Variants in EFHD2 observed in about 807,000 individuals in gnomAD.
The protein encoded by EFHD2 is EF-hand domain-containing protein D2.
EFHD2 carries 12 observed loss-of-function variants against 20.3 expected under a neutral mutation model. That is an observed-to-expected ratio of 0.59 (90% CI 0.38 to 0.96). The LOEUF is 0.96. Ranked by LOEUF, EFHD2 falls within the 40% of genes least tolerant of loss-of-function variation. The pLI is 0.00. For missense variants in EFHD2, 250 were observed against 334.3 expected (o/e 0.75, Z 1.97); for synonymous variants, 131 against 143.9 (o/e 0.91, Z 0.64).
intron 1 of EFHD2, among the ~76,000 whole-genome samples, chr1:15,417,831 C>A (rs1312886330): frequency 6.6e-6 from 1 of 152,148 alleles, no homozygotes; most frequent in East Asian, 1.9e-4. Flanking sequence ...TCAGTAAAGC[C>A]TGGGATGGGA....
rs1707918290 is a variant in EFHD2 at position 15,428,859 on chromosome 1, C to T, written c.*135C>T. On this transcript the variant is annotated 3_prime_UTR_variant, in exon 4 of 4. Coordinates refer to ENST00000375980, the MANE Select transcript of EFHD2 (RefSeq NM_024329.6). Reference sequence around the variant, plus strand: ...AACCTAAAAATATCTGTGAATGGAGCAAGTTCAGGGGTCTTATGGAGGTGG... The same window carrying T: ...AACCTAAAAATATCTGTGAATGGAGTAAGTTCAGGGGTCTTATGGAGGTGG... 2.2e-6 allele frequency: 3 copies of T among 1,353,940 alleles called. No individual in the cohort carries two copies. The highest frequency in any genetic ancestry group is 2.9e-5 in the African/African-American group (2 of 68,932). The allele number at this position is 1,353,940 out of a possible 1,614,324, so 83.9% of individuals were successfully genotyped here.
At chr1:15,418,517 G>A (rs376789117) in intron 1 of EFHD2, among the ~76,000 whole-genome samples, 4,554 of 147,048 alleles carry the variant, frequency 0.031, 163 homozygotes, top group African/African-American at 0.093. Flanking sequence ...GTGTTAGCCA[G>A]GATGGTCTCA....
At position 15,426,651 on chromosome 1, in the gene EFHD2, G is replaced by A. The variant is rs1016782395; in HGVS notation, c.457-499G>A. ...AAGGAGAGAGGTGGCAGGGGCAGGT[G>A]GGGGAGTGCGAGTGGCTGGGCGGGA... On this transcript the variant is annotated intron_variant, in intron 2 of 3. Coordinates refer to ENST00000375980, the MANE Select transcript of EFHD2 (RefSeq NM_024329.6). The surrounding 1 kb of genome is among the most constrained non-coding windows in gnomAD (Gnocchi z 4.6). 6.6e-6 allele frequency among the ~76,000 whole-genome samples: 1 copy of A among 152,150 alleles called. No individual in the cohort carries two copies. Among genetic ancestry groups the A allele is most frequent in the Admixed American group, 6.5e-5 (1 of 15,272 alleles).
At chr1:15,417,784 G>T (rs978247698) in intron 1 of EFHD2, among the ~76,000 whole-genome samples, 3 of 152,120 alleles carry the variant, frequency 2.0e-5, no homozygotes, top group South Asian at 4.1e-4. Flanking sequence ...CTGTCCAATT[G>T]TCTGTTCTCC....
intron 1 of EFHD2, among the ~76,000 whole-genome samples, chr1:15,422,589 C>T (rs1217974363): frequency 3.3e-5 from 5 of 151,258 alleles, no homozygotes; most frequent in Admixed American, 2.6e-4. Context: ...TGGCCAGGTG[C>T]GGTGGCTCAC....
intron 1 of EFHD2, among the ~76,000 whole-genome samples, chr1:15,415,795 C>T (rs113086168): frequency 0.01 from 1,526 of 152,180 alleles, 26 homozygotes; most frequent in African/African-American, 0.034. Flanking sequence ...CAGCCTGATA[C>T]TATCATTTTT....
intron 3 of EFHD2, among the ~76,000 whole-genome samples, chr1:15,428,248 T>C (rs558877741): frequency 1.3e-5 from 2 of 152,162 alleles, no homozygotes; most frequent in South Asian, 4.2e-4. Flanking sequence ...ATCCCAGCAC[T>C]TTGGGAGGCT....
intron 1 of EFHD2, among the ~76,000 whole-genome samples, chr1:15,424,324 C>T (rs554771374): frequency 1.3e-5 from 2 of 152,262 alleles, no homozygotes; most frequent in East Asian, 1.9e-4. Context: ...GGGCAAACAG[C>T]GCCTCGCCCT....
At position 15,427,237 on chromosome 1, in the gene EFHD2, G is replaced by A. The variant is rs747762750; in HGVS notation, c.544G>A (p.Val182Ile). 6.8e-6 allele frequency: 11 copies of A among 1,608,948 alleles called. No individual in the cohort carries two copies. The highest frequency in any genetic ancestry group is 5.1e-6 in the Non-Finnish European group (6 of 1,178,198). Residue 182 changes from valine to isoleucine, a missense_variant, in exon 3 of 4, where the codon GTC becomes ATC. This residue lies in a region of EFHD2 where 100 missense variants were observed against 116.2 expected (regional missense o/e 0.86). Coordinates refer to ENST00000375980, the MANE Select transcript of EFHD2 (RefSeq NM_024329.6). ...GCTGGCCCGCCTCTCTGAGATCGACGTCTCCAGTGAGGGTGTCAAGGGGGC... is the reference window on the plus strand; with the variant it reads ...GCTGGCCCGCCTCTCTGAGATCGACATCTCCAGTGAGGGTGTCAAGGGGGC... ...CVLARLSEIDVSSEGVKGAKS... is the reference protein window; with the variant it reads ...CVLARLSEIDISSEGVKGAKS...
intron 1 of EFHD2, among the ~76,000 whole-genome samples, chr1:15,412,272 C>T (rs1046911102): frequency 6.6e-6 from 1 of 151,972 alleles, no homozygotes; most frequent in Non-Finnish European, 1.5e-5. Flanking sequence ...TGTCACTGCC[C>T]CCATCGGGCA....
At chr1:15,427,323 A>C in intron 3 of EFHD2, 39 bp downstream of exon 3, 1 of 1,583,294 alleles carries the variant, frequency 6.3e-7, no homozygotes, top group Non-Finnish European at 8.6e-7. Flanking sequence ...ACGCTCCAGG[A>C]CAAGGGGACC....
chr1:15,420,933 C>G (rs577503051), intron 1 of EFHD2, among the ~76,000 whole-genome samples: 2 of 152,150 alleles, frequency 1.3e-5, no homozygotes, highest in Non-Finnish European at 2.9e-5. Flanking sequence ...TGAGCCACCA[C>G]GTCCAGCCTC....
chr1:15,415,490 CTT>C (rs775986699), intron 1 of EFHD2, among the ~76,000 whole-genome samples: 30 of 138,202 alleles, frequency 2.2e-4, no homozygotes, highest in East Asian at 4.2e-4. Flanking sequence ...CTTTGTTTTC[CTT>C]TTTTTTTTTT....
Position 15,413,715 on chromosome 1 carries a change from C to T in EFHD2, c.308+3436C>T, listed in dbSNP as rs544719289. ...CAGAAAGATGTGGCGGTGACTTGCTCGGGGTTACGGAGAGGTTCTCAGTGA... is the reference window on the plus strand; with the variant it reads ...CAGAAAGATGTGGCGGTGACTTGCTTGGGGTTACGGAGAGGTTCTCAGTGA... On this transcript the variant is annotated intron_variant, in intron 1 of 3. Transcript: ENST00000375980. The surrounding 1 kb of genome is among the most constrained non-coding windows in gnomAD (Gnocchi z 4.4). Among the ~76,000 whole-genome samples, 19 of 152,256 alleles carry T rather than the reference C, an allele frequency of 1.2e-4. No individual in the cohort carries two copies. The South Asian group carries it at 2.3e-3, about 18-fold the overall frequency.
rs1707587270 is a variant in EFHD2, at chr1:15,413,610, C to A, written c.308+3331C>A. The stretch of plus-strand genomic sequence containing the variant: ...CCATCACTGGTCTCACACCTAGAGT[C>A]ATTCAGGTTCCTCCTGAGAGAGACC... On this transcript the variant is annotated intron_variant, in intron 1 of 3. Coordinates refer to ENST00000375980, the MANE Select transcript of EFHD2 (RefSeq NM_024329.6). This position sits in a 1 kb window ranked among gnomAD's most constrained non-coding sequence, Gnocchi z 4.4. 6.6e-6 allele frequency among the ~76,000 whole-genome samples: 1 copy of A among 152,184 alleles called. No individual in the cohort carries two copies. The highest frequency in any genetic ancestry group is 2.1e-4 in the South Asian group (1 of 4,828).
At position 15,425,961 on chromosome 1, in the gene EFHD2, GA is replaced by G; in HGVS notation, c.404del (p.Asn135ThrfsTer2). The stretch of plus-strand genomic sequence containing the variant: ...GGGCCCCTCAGACCCACCTGGGCCT[GA>G]AAAACATGATCAAGGAGGTGGATGA... ...LGAPQTHLGL[K>X]NMIKEVDEDF... On this transcript the variant is annotated frameshift_variant, in exon 2 of 4. Transcript: ENST00000375980. LOFTEE classifies it high-confidence loss of function. The G allele has an allele frequency of 6.3e-7, 1 of 1,599,894 alleles. No homozygotes were observed. Among genetic ancestry groups the G allele is most frequent in the Non-Finnish European group, 8.5e-7 (1 of 1,174,816 alleles).
At chr1:15,421,473 T>C (rs890258138) in intron 1 of EFHD2, among the ~76,000 whole-genome samples, 8 of 152,218 alleles carry the variant, frequency 5.3e-5, no homozygotes, top group Non-Finnish European at 1.0e-4. Flanking sequence ...CCAGCCCCTG[T>C]ATTGTCCCCC....
At chr1:15,417,479 C>T (rs1197320765) in intron 1 of EFHD2, among the ~76,000 whole-genome samples, 1 of 152,146 alleles carries the variant, frequency 6.6e-6, no homozygotes, top group East Asian at 1.9e-4. Context: ...CTGACAGCCC[C>T]CCAGCAAATT....
intron 1 of EFHD2, among the ~76,000 whole-genome samples, chr1:15,418,516 A>G (rs527535494): frequency 2.2e-4 from 33 of 150,648 alleles, no homozygotes; most frequent in African/African-American, 4.4e-4. Flanking sequence ...CGTGTTAGCC[A>G]GGATGGTCTC....
Sources: gnomAD v4.1 joint callset for allele counts (sites outside exome capture counted in the v4.1 genomes callset) on GRCh38, gnomAD v4.1.1 for gene constraint, gnomAD v4.1.1 regional missense constraint, Gnocchi (gnomAD v3.1) non-coding constraint, MANE v1.5 for transcripts, NCBI Gene and HGNC (gene_info 2026-07-23, HGNC 2026-07-21) for gene names.